CDC42SE2: variants seen among roughly 807,000 people sequenced by gnomAD.
The protein encoded by CDC42SE2 is CDC42 small effector 2.
A neutral mutation model predicts 11.5 loss-of-function variants in CDC42SE2; 3 were observed. The ratio of observed to expected loss-of-function variants is 0.26; its 90% CI spans 0.12 to 0.67. CDC42SE2 has a LOEUF of 0.67. Ranked by LOEUF, CDC42SE2 falls within the 30% of genes least tolerant of loss-of-function variation. The pLI is 0.80. For missense variants in CDC42SE2, 82 were observed against 106.8 expected, an observed-to-expected ratio of 0.77 and a Z score of 1.02; for synonymous variants, 33 against 34.8, an observed-to-expected ratio of 0.95 and a Z score of 0.18.
upstream of CDC42SE2, among the ~76,000 whole-genome samples, chr5:131,244,514 C>G (rs1756564275): frequency 6.6e-6 from 1 of 152,144 alleles, no homozygotes; most frequent in Admixed American, 6.5e-5. Context: ...AGTTCGAGAC[C>G]AGCCTAGCCA....
At chr5:131,286,900 T>TA (rs1365203520) in intron 1 of CDC42SE2, among the ~76,000 whole-genome samples, 2 of 151,994 alleles carry the variant, frequency 1.3e-5, no homozygotes, top group Non-Finnish European at 1.5e-5. Flanking sequence ...AGTCAAAAGT[T>TA]ACTTGCAGAT....
chr5:131,317,455 T>C (rs1034734905), intron 2 of CDC42SE2, among the ~76,000 whole-genome samples: 4 of 152,182 alleles, frequency 2.6e-5, no homozygotes, highest in African/African-American at 9.7e-5. Context: ...GGCTTTGGAA[T>C]GCACATTCAC....
intron 4 of CDC42SE2, among the ~76,000 whole-genome samples, chr5:131,387,694 G>A (rs1393878266): frequency 1.3e-5 from 2 of 152,104 alleles, no homozygotes; most frequent in Non-Finnish European, 2.9e-5. Flanking sequence ...GCTTCTCATA[G>A]TTTAGGTAGA....
intron 2 of CDC42SE2, among the ~76,000 whole-genome samples, chr5:131,334,956 CT>C (rs1176374263): frequency 6.6e-6 from 1 of 152,112 alleles, no homozygotes. Context: ...TTTTTTGTGT[CT>C]TTGTTTCCTT....
In CDC42SE2 at chr5:131,276,448, C is replaced by CA. The variant is rs1239749644; in HGVS notation, c.-455+12296dup. ...TGGGTGACAGAATGAGACCCTGTTT[C>CA]AAAAAAAAAAAAAATCTTTTAGATA... On this transcript the variant is annotated intron_variant, in intron 1 of 4. Transcript: ENST00000505065. 5.9e-3 allele frequency among the ~76,000 whole-genome samples: 729 copies of CA among 124,532 alleles called. 1 individual carries two copies. The highest frequency in any genetic ancestry group is 0.011 in the Admixed American group (134 of 12,472). 81.7% of individuals were successfully genotyped at this position (124,532 alleles called of 152,430 possible).
At chr5:131,285,889 T>C (rs1025773097) in intron 1 of CDC42SE2, among the ~76,000 whole-genome samples, 4 of 152,170 alleles carry the variant, frequency 2.6e-5, no homozygotes, top group African/African-American at 7.2e-5. Flanking sequence ...CAATTGTTTC[T>C]AAACCTTCTT....
intron 3 of CDC42SE2, among the ~76,000 whole-genome samples, chr5:131,384,494 A>G (rs1161586645): frequency 6.6e-6 from 1 of 152,180 alleles, no homozygotes; most frequent in Non-Finnish European, 1.5e-5. Context: ...CAGGAGAAGT[A>G]TACTATTGAC....
the CDC42SE2 span, among the ~76,000 whole-genome samples, chr5:131,234,190 A>G: frequency 2.0e-5 from 3 of 152,256 alleles, no homozygotes; most frequent in Non-Finnish European, 4.4e-5. Context: ...AGATTTCTCT[A>G]TATCCTTGCC....
At chr5:131,297,716 T>C (rs1757600230) in intron 1 of CDC42SE2, among the ~76,000 whole-genome samples, 1 of 150,850 alleles carries the variant, frequency 6.6e-6, no homozygotes, top group African/African-American at 2.5e-5. Context: ...CAAGACTCCA[T>C]TTCAAAAATA....
intron 2 of CDC42SE2, among the ~76,000 whole-genome samples, chr5:131,355,518 G>A (rs1019191626): frequency 6.6e-6 from 1 of 152,042 alleles, no homozygotes; most frequent in African/African-American, 2.4e-5. Context: ...AGAGAGAAGA[G>A]AGGGAGAGAG....
the CDC42SE2 span, among the ~76,000 whole-genome samples, chr5:131,226,685 A>T: frequency 6.6e-6 from 1 of 152,280 alleles, no homozygotes; most frequent in Admixed American, 6.5e-5. Context: ...TGATTATTGA[A>T]GTTTTGGCTG....
At chr5:131,210,190 A>T in the CDC42SE2 span, among the ~76,000 whole-genome samples, 2 of 152,142 alleles carry the variant, frequency 1.3e-5, no homozygotes, top group African/African-American at 4.8e-5. Context: ...TCTTTTCTTT[A>T]TGAATTACCC....
intron 2 of CDC42SE2, among the ~76,000 whole-genome samples, chr5:131,355,406 G>A (rs1008935905): frequency 1.3e-5 from 2 of 151,952 alleles, no homozygotes; most frequent in Admixed American, 6.6e-5. Context: ...GAACCCGAGA[G>A]GTCAAGGCTG....
chr5:131,345,915 G>A (rs977654627), intron 2 of CDC42SE2, among the ~76,000 whole-genome samples: 2 of 152,122 alleles, frequency 1.3e-5, no homozygotes, highest in African/African-American at 4.8e-5. Flanking sequence ...CATAAGTGAA[G>A]GAGAAATAAA....
chr5:131,259,628 G>T (rs557801513), upstream of CDC42SE2, among the ~76,000 whole-genome samples: 1 of 152,332 alleles, frequency 6.6e-6, no homozygotes, highest in East Asian at 1.9e-4. Flanking sequence ...ATCCCAAGCA[G>T]TTAGTACATA....
the CDC42SE2 span, among the ~76,000 whole-genome samples, chr5:131,216,953 A>G: frequency 2.0e-5 from 3 of 152,204 alleles, no homozygotes; most frequent in African/African-American, 7.2e-5. Flanking sequence ...GAGCCAAGGT[A>G]GCTTAGACTG....
the CDC42SE2 span, among the ~76,000 whole-genome samples, chr5:131,221,673 C>G: frequency 1.3e-5 from 2 of 151,708 alleles, no homozygotes; most frequent in Non-Finnish European, 2.9e-5. Context: ...CTTTCTTGCA[C>G]TACTTCTATT....
rs372359588 is a variant in CDC42SE2, at chr5:131,273,978, A to G, written c.-455+9812A>G. Reference sequence around the variant, plus strand: ...ATTTTTATAGAGATGGGTTTTCATCATGTTGCCCAGGCTGGTCTTGGGCTC... The same window carrying G: ...ATTTTTATAGAGATGGGTTTTCATCGTGTTGCCCAGGCTGGTCTTGGGCTC... On this transcript the variant is annotated intron_variant, in intron 1 of 4. Transcript: ENST00000505065. Among the ~76,000 whole-genome samples, 6 of 151,968 alleles carry G rather than the reference A, an allele frequency of 3.9e-5. No individual in the cohort carries two copies. The East Asian group carries it at 9.7e-4, about 25-fold the overall frequency.
At chr5:131,226,697 G>A in the CDC42SE2 span, among the ~76,000 whole-genome samples, 4 of 152,168 alleles carry the variant, frequency 2.6e-5, no homozygotes, top group Non-Finnish European at 5.9e-5. Flanking sequence ...TTTTGGCTGT[G>A]ATTGGCTTCA....
Sources: gnomAD v4.1 joint callset for allele counts (sites outside exome capture counted in the v4.1 genomes callset) on GRCh38, gnomAD v4.1.1 for gene constraint, MANE v1.5 for transcripts, NCBI Gene and HGNC (gene_info 2026-07-23, HGNC 2026-07-21) for gene names.